Variants in HTR2B observed in about 807,000 individuals in gnomAD.
HTR2B encodes the protein 5-hydroxytryptamine receptor 2B, also known as 5-HT 2B receptor.
A neutral mutation model predicts 39.8 loss-of-function variants in HTR2B; 31 were observed. The observed-to-expected ratio is 0.78, with a 90% CI of 0.58 to 1.05. The LOEUF is 1.05. Among genes scored for constraint, HTR2B ranks in the 50% least tolerant of loss-of-function variants. The pLI, the probability that HTR2B is intolerant of heterozygous loss-of-function variation, is 0.00. For synonymous variants in HTR2B, 210 were observed against 207.1 expected (o/e 1.01, Z -0.12); for missense variants, 562 against 578.0 (o/e 0.97, Z 0.28).
chr2:231,113,539 A>G (rs1695228396), intron 3 of HTR2B, among the ~76,000 whole-genome samples, 190 bp downstream of exon 3: 1 of 152,238 alleles, frequency 6.6e-6, no homozygotes, highest in Non-Finnish European at 1.5e-5. Context: ...TACTTGTCAC[A>G]CTTTTTACCA....
intron 1 of HTR2B, among the ~76,000 whole-genome samples, chr2:231,124,471 G>C (rs770066879): frequency 4.0e-5 from 6 of 151,630 alleles, no homozygotes; most frequent in Non-Finnish European, 8.8e-5. Context: ...GCCCAACAAG[G>C]GTCTAAATAA....
At chr2:231,115,902 G>T (rs1695315546) in intron 2 of HTR2B, among the ~76,000 whole-genome samples, 1 of 152,090 alleles carries the variant, frequency 6.6e-6, no homozygotes, top group African/African-American at 2.4e-5. Context: ...AAGGTTTCCA[G>T]GTGATTCGTA....
intron 2 of HTR2B, among the ~76,000 whole-genome samples, chr2:231,122,860 AT>A (rs1695593672): frequency 6.6e-6 from 1 of 152,202 alleles, no homozygotes; most frequent in Admixed American, 6.5e-5. Context: ...GCAACTAAAC[AT>A]AATTTTTCTT....
At chr2:231,124,747 C>T (rs1472190079) in intron 1 of HTR2B, among the ~76,000 whole-genome samples, 1 of 151,646 alleles carries the variant, frequency 6.6e-6, no homozygotes, top group African/African-American at 2.4e-5. Flanking sequence ...TTTAACCTTC[C>T]CAGTTGCCTT....
At position 231,123,804 on chromosome 2, in the gene HTR2B, G is replaced by A. The variant is rs750697085; in HGVS notation, c.-40C>T. Reference sequence around the variant, plus strand: ...TGATTCAATCCCGTTCCGAACAGTGGTCAGCATGGTTAGTAGCTAAGCTGC... The same window carrying A: ...TGATTCAATCCCGTTCCGAACAGTGATCAGCATGGTTAGTAGCTAAGCTGC... On this transcript the variant is annotated 5_prime_UTR_variant, in exon 2 of 4. Coordinates refer to ENST00000258400, the MANE Select transcript of HTR2B (RefSeq NM_000867.5). The A allele has an allele frequency of 2.1e-6, 3 of 1,443,502 alleles. No homozygotes were observed. Among genetic ancestry groups the A allele is most frequent in the Non-Finnish European group, 2.9e-6 (3 of 1,025,252 alleles). 89.4% of individuals were successfully genotyped at this position (1,443,502 alleles called of 1,614,324 possible). A position where few individuals can be genotyped will look rare whatever the true frequency, so the allele number is the denominator to read the frequency against.
intron 2 of HTR2B, among the ~76,000 whole-genome samples, chr2:231,116,226 C>A (rs1054616572): frequency 2.0e-5 from 3 of 152,092 alleles, no homozygotes; most frequent in African/African-American, 7.2e-5. Context: ...TGAAAAGAAT[C>A]ATTTTAGAGT....
chr2:231,109,457 A>G, intron 3 of HTR2B, 48 bp from the exon 4 acceptor site: 2 of 1,481,970 alleles, frequency 1.3e-6, no homozygotes, highest in Non-Finnish European at 1.9e-6. Context: ...ATGACCTGTA[A>G]CTCTTCGATT....
rs757679891 is a variant in HTR2B at position 231,109,125 on chromosome 2, T to G, written c.838A>C (p.Lys280Gln). 12 of 1,613,974 alleles carry G rather than the reference T, an allele frequency of 7.4e-6. No homozygotes were observed. The highest frequency in any genetic ancestry group is 1.3e-5 in the African/African-American group (1 of 74,944). ...CGAGAACCATCCAGCATTGCCACCT[T>G]TTCCGGTGACGAGCAAGGTGTTTCA... ...RDETPCSSPE[K>Q]VAMLDGSRKD... The change falls in exon 4 of 4, where the codon AAG (lysine) becomes CAG (glutamine). Residue 280 changes from lysine (K) to glutamine (Q), a missense_variant. By Grantham distance (53) the Lys-to-Gln change is moderately conservative. Transcript: ENST00000258400.
rs139557471 is a variant in HTR2B at position 231,120,199 on chromosome 2, G to A, written c.352+3214C>T. Among the ~76,000 whole-genome samples, 59 of 152,168 alleles carry A rather than the reference G, an allele frequency of 3.9e-4. No individual in the cohort carries two copies. The East Asian group carries it at 8.7e-3, about 22-fold the overall frequency. ...ACTCCTGACCTCAGGTGATCCATCC[G>A]TTTCAGCCTCCTAAAGTGCTGGGGT... On this transcript the variant is annotated intron_variant, in intron 2 of 3. Transcript: ENST00000258400.
rs1695631926 is a variant in HTR2B, at chr2:231,123,636, C to T, written c.129G>A (p.Met43Ile). The T allele has an allele frequency of 3.1e-6, 5 of 1,613,990 alleles. No homozygotes were observed. In the African/African-American group the frequency reaches 5.3e-5, roughly 17 times the overall value. Residue 43 changes from methionine to isoleucine, a missense_variant, in exon 2 of 4, where the codon ATG (methionine) becomes ATA (isoleucine). Coordinates refer to ENST00000258400, the MANE Select transcript of HTR2B (RefSeq NM_000867.5). ...TTCCCTGTTCCTCAACAATCTGTTTCATTTCCTCTGGTATTGATTCTGTCT... is the reference window on the plus strand; with the variant it reads ...TTCCCTGTTCCTCAACAATCTGTTTTATTTCCTCTGGTATTGATTCTGTCT... ...GLQTESIPEEMKQIVEEQGNK... is the reference protein window; with the variant it reads ...GLQTESIPEEIKQIVEEQGNK...
At chr2:231,110,146 C>G (rs1311070946) in intron 3 of HTR2B, among the ~76,000 whole-genome samples, 1 of 152,068 alleles carries the variant, frequency 6.6e-6, no homozygotes, top group African/African-American at 2.4e-5. Context: ...ATGGCGAAAC[C>G]CCATCTCTAC....
chr2:231,115,860 C>T (rs147792739), intron 2 of HTR2B, among the ~76,000 whole-genome samples: 2 of 152,116 alleles, frequency 1.3e-5, no homozygotes, highest in African/African-American at 4.8e-5. Flanking sequence ...GGTCTCATCT[C>T]AGACCTACTG....
At chr2:231,117,535 A>T (rs959842467) in intron 2 of HTR2B, among the ~76,000 whole-genome samples, 2 of 152,136 alleles carry the variant, frequency 1.3e-5, no homozygotes, top group Non-Finnish European at 2.9e-5. Flanking sequence ...CAAGTCCTAG[A>T]TGGGTCTTGT....
chr2:231,121,819 G>T (rs187624977), intron 2 of HTR2B, among the ~76,000 whole-genome samples: 14 of 152,206 alleles, frequency 9.2e-5, no homozygotes, highest in Non-Finnish European at 1.8e-4. Context: ...TCAATATCAT[G>T]TATTGAATGA....
chr2:231,123,807 A>G lies in HTR2B; in HGVS notation c.-43T>C. On this transcript the variant is annotated 5_prime_UTR_variant, in exon 2 of 4. Coordinates refer to ENST00000258400, the MANE Select transcript of HTR2B (RefSeq NM_000867.5). ...TTCAATCCCGTTCCGAACAGTGGTCAGCATGGTTAGTAGCTAAGCTGCTCA... is the reference window on the plus strand; with the variant it reads ...TTCAATCCCGTTCCGAACAGTGGTCGGCATGGTTAGTAGCTAAGCTGCTCA... 7.0e-7 allele frequency: 1 copy of G among 1,420,610 alleles called. No individual in the cohort carries two copies. The highest frequency in any genetic ancestry group is 1.7e-5 in the Admixed American group (1 of 59,766). The allele number at this position is 1,420,610 out of a possible 1,614,324, so 88.0% of individuals were successfully genotyped here. A position where few individuals can be genotyped will look rare whatever the true frequency, so the allele number is the denominator to read the frequency against.
intron 3 of HTR2B, among the ~76,000 whole-genome samples, chr2:231,111,068 A>G (rs1177901061): frequency 6.6e-6 from 1 of 152,180 alleles, no homozygotes; most frequent in Non-Finnish European, 1.5e-5. Context: ...ACATTTGTTC[A>G]TCTTCATCAA....
chr2:231,117,779 A>C (rs1173999496), intron 2 of HTR2B, among the ~76,000 whole-genome samples: 1 of 152,150 alleles, frequency 6.6e-6, no homozygotes, highest in Non-Finnish European at 1.5e-5. Flanking sequence ...GATTTGTACA[A>C]GTATAGGTTG....
intron 2 of HTR2B, among the ~76,000 whole-genome samples, chr2:231,119,944 G>A (rs374416524): frequency 2.7e-5 from 4 of 147,042 alleles, no homozygotes; most frequent in African/African-American, 9.9e-5. Flanking sequence ...ATATCTTCCC[G>A]TGTTACTTTT....
chr2:231,108,669 C>T lies in HTR2B; in HGVS notation c.1294G>A (p.Gly432Arg), dbSNP rs749068505. The T allele has an allele frequency of 6.8e-6, 11 of 1,613,984 alleles. No homozygotes were observed. The Admixed American group carries it at 1.7e-4, about 24-fold the overall frequency. ...GCAGGGTTAATCCCATTTCGAATTC[C>T]ATGTTTCTTGAAAAACTTAGAGTTC... ...AENSKFFKKH[G>R]IRNGINPAMY... The change falls in exon 4 of 4, where the codon GGA (glycine) becomes AGA (arginine). Residue 432 changes from glycine to arginine, a missense_variant. By Grantham distance (125) the Gly-to-Arg change is moderately radical. Coordinates refer to ENST00000258400, the MANE Select transcript of HTR2B (RefSeq NM_000867.5).
Sources: gnomAD v4.1 joint callset for allele counts (sites outside exome capture counted in the v4.1 genomes callset) on GRCh38, gnomAD v4.1.1 for gene constraint, MANE v1.5 for transcripts, NCBI Gene and HGNC (gene_info 2026-07-23, HGNC 2026-07-21) for gene names.